Variants in FSHR observed in about 807,000 individuals in gnomAD.
FSHR encodes the protein follicle stimulating hormone receptor, also known as follicle-stimulating hormone receptor.
A neutral mutation model predicts 52.1 loss-of-function variants in FSHR; 46 were observed. That is an observed-to-expected ratio of 0.88 (90% confidence interval 0.70 to 1.13). The LOEUF (loss-of-function observed/expected upper bound fraction) is 1.13. Among genes scored for constraint, FSHR ranks in the 50% most tolerant of loss-of-function variants. The pLI, the probability that FSHR is intolerant of heterozygous loss-of-function variation, is 0.00. For missense variants in FSHR, 964 were observed against 834.6 expected (o/e 1.16, Z -1.91); for synonymous variants, 399 against 309.6 (o/e 1.29, Z -3.03).
In FSHR at chr2:48,963,122, C is replaced by T. The variant is rs28928871; in HGVS notation, c.1699G>A (p.Asp567Asn). 2 of 1,614,044 alleles carry T rather than the reference C, an allele frequency of 1.2e-6. No homozygotes were observed. The highest frequency in any genetic ancestry group is 1.7e-6 in the Non-Finnish European group (2 of 1,180,016). Residue 567 changes from aspartate to asparagine, a missense_variant, in exon 10 of 10, where the codon GAC becomes AAC. Coordinates refer to ENST00000406846, the MANE Select transcript of FSHR (RefSeq NM_000145.4). Reference sequence around the variant, plus strand: ...GCCATGCGCTTGGCGATCCTGGTGTCACTAGAGGAGGACACGATGTTGGGG... The same window carrying T: ...GCCATGCGCTTGGCGATCCTGGTGTTACTAGAGGAGGACACGATGTTGGGG... ...RNPNIVSSSSDTRIAKRMAML... is the reference protein window; with the variant it reads ...RNPNIVSSSSNTRIAKRMAML...
intron 1 of FSHR, among the ~76,000 whole-genome samples, chr2:49,119,008 T>C (rs1208007291): frequency 6.6e-6 from 1 of 152,180 alleles, no homozygotes; most frequent in Admixed American, 6.5e-5. Context: ...CTTGTGATGG[T>C]GTCAAGAGCC....
At position 49,129,555 on chromosome 2, in the gene FSHR, T is replaced by C. The variant is rs186206442; in HGVS notation, c.152+24711A>G. 4.9e-4 allele frequency among the ~76,000 whole-genome samples: 74 copies of C among 152,314 alleles called. 1 individual carries two copies. Among genetic ancestry groups the C allele is most frequent in the African/African-American group, 1.8e-3 (73 of 41,562 alleles). Reference sequence around the variant, plus strand: ...CAGATCCAGAGACAGATGGGCCTTTTTGTGTACAAGACAGGGAAATAACAC... The same window carrying C: ...CAGATCCAGAGACAGATGGGCCTTTCTGTGTACAAGACAGGGAAATAACAC... On this transcript the variant is annotated intron_variant, in intron 1 of 9. Transcript: ENST00000406846.
chr2:49,015,889 C>T (rs757146271), intron 4 of FSHR, among the ~76,000 whole-genome samples: 2 of 152,198 alleles, frequency 1.3e-5, no homozygotes, highest in Non-Finnish European at 2.9e-5. Context: ...GGGGGCCCTC[C>T]TGAGCACAAA....
In FSHR at chr2:49,071,563, G is replaced by A. The variant is rs925061557; in HGVS notation, c.153-3273C>T. 5.9e-5 allele frequency among the ~76,000 whole-genome samples: 9 copies of A among 152,090 alleles called. 1 individual carries two copies. Among genetic ancestry groups the A allele is most frequent in the Admixed American group, 5.2e-4 (8 of 15,248 alleles). ...AGGAGGAAGGCACAAAACACAAGAAGGAATAGTGAATGAAGAAATTAGTGT... is the reference window on the plus strand; with the variant it reads ...AGGAGGAAGGCACAAAACACAAGAAAGAATAGTGAATGAAGAAATTAGTGT... On this transcript the variant is annotated intron_variant, in intron 1 of 9. Coordinates refer to ENST00000406846, the MANE Select transcript of FSHR (RefSeq NM_000145.4).
intron 1 of FSHR, among the ~76,000 whole-genome samples, chr2:49,119,653 C>T (rs1671733090): frequency 6.6e-6 from 1 of 152,144 alleles, no homozygotes; most frequent in South Asian, 2.1e-4. Flanking sequence ...GAACAGATTA[C>T]CACTGAAATC....
intron 1 of FSHR, among the ~76,000 whole-genome samples, chr2:49,100,273 G>A (rs1323667441): frequency 6.6e-6 from 1 of 152,076 alleles, no homozygotes; most frequent in African/African-American, 2.4e-5. Context: ...TTGGCATTTT[G>A]CTTTCCTGCT....
chr2:49,033,955 G>T (rs936836420), intron 2 of FSHR, among the ~76,000 whole-genome samples: 1 of 152,084 alleles, frequency 6.6e-6, no homozygotes, highest in Non-Finnish European at 1.5e-5. Flanking sequence ...ATATCAATGG[G>T]CTTTAGGTCC....
At chr2:48,986,005 G>T (rs1014699626) in intron 6 of FSHR, among the ~76,000 whole-genome samples, 5 of 152,222 alleles carry the variant, frequency 3.3e-5, no homozygotes, top group African/African-American at 1.2e-4. Context: ...GAGCCACCGC[G>T]CCCGGCCGCA....
intron 1 of FSHR, among the ~76,000 whole-genome samples, chr2:49,144,212 A>T (rs1672789574): frequency 6.6e-6 from 1 of 152,184 alleles, no homozygotes; most frequent in South Asian, 2.1e-4. Context: ...GCCCAAGTCA[A>T]GACATAAAGA....
chr2:49,127,727 T>G lies in FSHR; in HGVS notation c.152+26539A>C, dbSNP rs1672058051. Among the ~76,000 whole-genome samples the G allele has an allele frequency of 2.6e-5, 4 of 151,294 alleles. No homozygotes were observed. The East Asian group carries it at 5.8e-4, about 22-fold the overall frequency. ...TTGTGTATCTCTTGTGGCACATTGA[T>G]TTGTGCATGATTTCTTCTTCTTCTT... On this transcript the variant is annotated intron_variant, in intron 1 of 9. Coordinates refer to ENST00000406846, the MANE Select transcript of FSHR (RefSeq NM_000145.4).
At chr2:49,014,538 T>C (rs1199970655) in intron 4 of FSHR, among the ~76,000 whole-genome samples, 3 of 152,018 alleles carry the variant, frequency 2.0e-5, no homozygotes, top group Non-Finnish European at 4.4e-5. Context: ...CCTTACAAGT[T>C]CAAGTATCTC....
chr2:49,134,324 T>A (rs749045494), intron 1 of FSHR, among the ~76,000 whole-genome samples: 3 of 152,224 alleles, frequency 2.0e-5, no homozygotes, highest in Non-Finnish European at 2.9e-5. Context: ...ATGCTCATCA[T>A]CACTGGCCAT....
chr2:49,055,051 A>G (rs1305827801), intron 2 of FSHR, among the ~76,000 whole-genome samples: 1 of 152,156 alleles, frequency 6.6e-6, no homozygotes, highest in East Asian at 1.9e-4. Context: ...AAAGAAATAT[A>G]TAAAATGCCA....
At chr2:49,091,582 C>T (rs558277769) in intron 1 of FSHR, among the ~76,000 whole-genome samples, 46 of 152,200 alleles carry the variant, frequency 3.0e-4, no homozygotes, top group Admixed American at 5.2e-4. Flanking sequence ...CAGGCATGAG[C>T]CATCATGCCC....
chr2:49,143,062 T>C (rs1043025271), intron 1 of FSHR, among the ~76,000 whole-genome samples: 1 of 152,148 alleles, frequency 6.6e-6, no homozygotes, highest in Non-Finnish European at 1.5e-5. Context: ...GGCACACATA[T>C]TCTGAATGTA....
At chr2:49,138,941 G>A (rs1477061326) in intron 1 of FSHR, among the ~76,000 whole-genome samples, 1 of 152,068 alleles carries the variant, frequency 6.6e-6, no homozygotes, top group Non-Finnish European at 1.5e-5. Context: ...TTGGGTGTGT[G>A]GGGTATGAGA....
intron 4 of FSHR, among the ~76,000 whole-genome samples, chr2:49,002,506 T>G (rs1019126623): frequency 6.6e-6 from 1 of 152,056 alleles, no homozygotes; most frequent in African/African-American, 2.4e-5. Flanking sequence ...TCAGGAAATT[T>G]ATAGTCATGG....
In FSHR at chr2:48,963,475, G is replaced by T. The variant is rs28928870; in HGVS notation, c.1346C>A (p.Thr449Asn). Residue 449 changes from threonine to asparagine, a missense_variant, in exon 10 of 10, where the codon ACT becomes AAT. By Grantham distance (65) the Thr-to-Asn change is moderately conservative. Coordinates refer to ENST00000406846, the MANE Select transcript of FSHR (RefSeq NM_000145.4). Reference protein sequence around the residue: ...GAGCDAAGFFTVFASELSVYT... With the variant: ...GAGCDAAGFFNVFASELSVYT... ...GACTGACAGCTCACTGGCAAAGACA[G>T]TGAAAAAGCCAGCAGCATCACAGCC... 2 of 1,614,144 alleles carry T rather than the reference G, an allele frequency of 1.2e-6. No individual in the cohort carries two copies. Among genetic ancestry groups the T allele is most frequent in the South Asian group, 2.2e-5 (2 of 91,078 alleles).
intron 6 of FSHR, among the ~76,000 whole-genome samples, chr2:48,988,726 A>C (rs1223301188): frequency 2.0e-5 from 3 of 152,202 alleles, no homozygotes; most frequent in Non-Finnish European, 4.4e-5. Flanking sequence ...CAGATGTTGT[A>C]TCACAGGAGA....
Sources: allele counts gnomAD v4.1 joint callset (sites outside exome capture counted in the v4.1 genomes callset), GRCh38; gene constraint gnomAD v4.1.1; transcripts MANE v1.5; gene names NCBI Gene and HGNC (gene_info 2026-07-23, HGNC 2026-07-21).